The following TMEM132B variants were observed in gnomAD, a reference collection of about 807,000 sequenced individuals.
TMEM132B encodes transmembrane protein 132B.
A neutral mutation model predicts 90.8 loss-of-function variants in TMEM132B; 18 were observed. The observed-to-expected ratio is 0.20, with a 90% CI of 0.14 to 0.29. The LOEUF is 0.29. TMEM132B is among the 10% of genes least tolerant of loss of function. TMEM132B has a pLI of 1.00. For missense variants in TMEM132B, 1,096 were observed against 1,326.8 expected, an observed-to-expected ratio of 0.83 and a Z score of 2.70; for synonymous variants, 504 against 523.3, an observed-to-expected ratio of 0.96 and a Z score of 0.50.
rs1357078187 is a variant in TMEM132B, at chr12:125,277,213, G to A, written c.68-72239G>A. Among the ~76,000 whole-genome samples the A allele has an allele frequency of 6.6e-6, 1 of 152,092 alleles. No homozygotes were observed. Among genetic ancestry groups the A allele is most frequent in the Non-Finnish European group, 1.5e-5 (1 of 68,006 alleles). Reference sequence around the variant, plus strand: ...GAGGGAGAACAGGCCGGGCACGATGGCTCATGCCTGTAGTCCCAGCACTTT... The same window carrying A: ...GAGGGAGAACAGGCCGGGCACGATGACTCATGCCTGTAGTCCCAGCACTTT... On this transcript the variant is annotated intron_variant, in intron 1 of 8. Transcript: ENST00000682704. The surrounding 1 kb of genome is among the most constrained non-coding windows in gnomAD (Gnocchi z 4.3).
intron 1 of TMEM132B, among the ~76,000 whole-genome samples, chr12:125,284,410 G>A (rs1011703046): frequency 6.6e-6 from 1 of 152,282 alleles, no homozygotes; most frequent in African/African-American, 2.4e-5. Flanking sequence ...CTGTAGGCAC[G>A]GAGCTGTAGC....
chr12:125,651,276 G>A (rs192331905), intron 7 of TMEM132B, among the ~76,000 whole-genome samples: 113 of 152,272 alleles, frequency 7.4e-4, no homozygotes, highest in African/African-American at 2.6e-3. Context: ...TCCATTTTGT[G>A]TATCACCAAT....
intron 3 of TMEM132B, among the ~76,000 whole-genome samples, chr12:125,477,158 A>G (rs1881904377): frequency 6.6e-6 from 1 of 152,202 alleles, no homozygotes; most frequent in Non-Finnish European, 1.5e-5. Flanking sequence ...TTATGTCTTT[A>G]TCAACTGCGC....
chr12:125,563,528 T>A (rs139343520), intron 4 of TMEM132B, among the ~76,000 whole-genome samples: 2,465 of 151,896 alleles, frequency 0.016, 68 homozygotes, highest in African/African-American at 0.056. Flanking sequence ...ATCGCACCAC[T>A]GCACTCCAGC....
intron 5 of TMEM132B, among the ~76,000 whole-genome samples, chr12:125,602,153 A>G (rs914815478): frequency 1.3e-5 from 2 of 152,232 alleles, no homozygotes; most frequent in Admixed American, 6.5e-5. Flanking sequence ...TGGCAGAGAC[A>G]CAACAATAAA....
In TMEM132B at chr12:125,566,310, G is replaced by A. The variant is rs531433631; in HGVS notation, c.1294-17541G>A. 7.2e-5 allele frequency among the ~76,000 whole-genome samples: 11 copies of A among 152,268 alleles called. 1 individual carries two copies. In the South Asian group the frequency reaches 2.3e-3, roughly 32 times the overall value. On this transcript the variant is annotated intron_variant, in intron 4 of 8. Coordinates refer to ENST00000682704, the MANE Select transcript of TMEM132B (RefSeq NM_001366854.1). ...TAGTCCCGGACAATTGGAAAATGAGGTCTAATTTCTTATTCTGTTTCCTGT... is the reference window on the plus strand; with the variant it reads ...TAGTCCCGGACAATTGGAAAATGAGATCTAATTTCTTATTCTGTTTCCTGT...
At chr12:125,579,273 T>G (rs1440663268) in intron 4 of TMEM132B, among the ~76,000 whole-genome samples, 2 of 152,192 alleles carry the variant, frequency 1.3e-5, no homozygotes, top group Non-Finnish European at 2.9e-5. Flanking sequence ...TATTGCACTT[T>G]TCAACTTTAG....
At chr12:125,609,523 T>G (rs1419217950) in intron 5 of TMEM132B, among the ~76,000 whole-genome samples, 1 of 151,994 alleles carries the variant, frequency 6.6e-6, no homozygotes, top group East Asian at 1.9e-4. Context: ...TTAAGAATAT[T>G]GGATCTTTTG....
At chr12:125,368,845 T>G (rs1415350655) in intron 2 of TMEM132B, among the ~76,000 whole-genome samples, 1 of 152,190 alleles carries the variant, frequency 6.6e-6, no homozygotes, top group South Asian at 2.1e-4. Flanking sequence ...ATGACAGGAA[T>G]AAAACATGTG....
chr12:125,240,878 G>A (rs1005054847), intron 1 of TMEM132B, among the ~76,000 whole-genome samples: 2 of 152,202 alleles, frequency 1.3e-5, no homozygotes, highest in South Asian at 2.1e-4. Flanking sequence ...CCGGGCCCTC[G>A]TCCCATGCCT....
intron 1 of TMEM132B, among the ~76,000 whole-genome samples, chr12:125,344,323 C>T (rs951205981): frequency 1.3e-5 from 2 of 152,030 alleles, no homozygotes; most frequent in Non-Finnish European, 1.5e-5. Flanking sequence ...TCTGAGAAAC[C>T]AAATTGGGGA....
At chr12:125,528,292 T>C (rs147473756) in intron 4 of TMEM132B, among the ~76,000 whole-genome samples, 1 of 152,292 alleles carries the variant, frequency 6.6e-6, no homozygotes, top group African/African-American at 2.4e-5. Context: ...TCAACGACTG[T>C]TCTTAAAACT....
chr12:125,550,485 T>C (rs1884198993), intron 4 of TMEM132B, among the ~76,000 whole-genome samples: 1 of 152,266 alleles, frequency 6.6e-6, no homozygotes. Flanking sequence ...CTGGCTGTAC[T>C]CTGACTGATA....
intron 2 of TMEM132B, among the ~76,000 whole-genome samples, chr12:125,382,986 C>CT: frequency 6.6e-6 from 1 of 152,256 alleles, no homozygotes; most frequent in East Asian, 1.9e-4. Context: ...AGATAGAGTT[C>CT]TTTTTTAGCA....
chr12:125,218,361 C>T lies in TMEM132B; in HGVS notation c.67+31495C>T, dbSNP rs1019702978. On this transcript the variant is annotated intron_variant, in intron 1 of 8. Coordinates refer to ENST00000682704, the MANE Select transcript of TMEM132B (RefSeq NM_001366854.1). The stretch of plus-strand genomic sequence containing the variant: ...TTCCCCTTAAAATGAGAAAAAAGGG[C>T]CTATTTTAGTATTTTCCATAGATTT... Among the ~76,000 whole-genome samples, 5 of 151,948 alleles carry T rather than the reference C, an allele frequency of 3.3e-5. 1 individual carries two copies. The highest frequency in any genetic ancestry group is 2.6e-4 in the Admixed American group (4 of 15,262).
In TMEM132B at chr12:125,490,469, T is replaced by A. The variant is rs1471518022; in HGVS notation, c.1107-28970T>A. On this transcript the variant is annotated intron_variant, in intron 3 of 8. Coordinates refer to ENST00000682704, the MANE Select transcript of TMEM132B (RefSeq NM_001366854.1). This position sits in a 1 kb window ranked among gnomAD's most constrained non-coding sequence, Gnocchi z 4.2. Reference sequence around the variant, plus strand: ...ACTTAATTTATTTTATTTTATTTATTTATTTATTTTTTGAGACAGAGCCTT... The same window carrying A: ...ACTTAATTTATTTTATTTTATTTATATATTTATTTTTTGAGACAGAGCCTT... Among the ~76,000 whole-genome samples the A allele has an allele frequency of 6.6e-6, 1 of 152,088 alleles. No individual in the cohort carries two copies. Among genetic ancestry groups the A allele is most frequent in the African/African-American group, 2.4e-5 (1 of 41,402 alleles).
At chr12:125,325,873 G>T (rs1010840457) in intron 1 of TMEM132B, among the ~76,000 whole-genome samples, 2 of 152,160 alleles carry the variant, frequency 1.3e-5, no homozygotes, top group Non-Finnish European at 2.9e-5. Context: ...GTGTCTCATG[G>T]AATGAGCTGT....
intron 6 of TMEM132B, among the ~76,000 whole-genome samples, chr12:125,647,614 C>T (rs573551515): frequency 3.9e-5 from 6 of 152,092 alleles, no homozygotes; most frequent in African/African-American, 7.2e-5. Context: ...AGGAATGAAA[C>T]GAGAATAAAG....
rs192344218 is a variant in TMEM132B at position 125,529,163 on chromosome 12, C to T, written c.1293+9538C>T. On this transcript the variant is annotated intron_variant, in intron 4 of 8. Coordinates refer to ENST00000682704, the MANE Select transcript of TMEM132B (RefSeq NM_001366854.1). ...GCAGTGGCACAATCACAGCTCACTG[C>T]AGCCTCAGTCTCCCAGGCTCAAGTG... 4.0e-3 allele frequency among the ~76,000 whole-genome samples: 611 copies of T among 152,264 alleles called. 2 individuals are homozygous for T. The highest frequency in any genetic ancestry group is 6.4e-3 in the Non-Finnish European group (436 of 68,022).
Sources: allele counts gnomAD v4.1 joint callset (sites outside exome capture counted in the v4.1 genomes callset), GRCh38; gene constraint gnomAD v4.1.1; non-coding constraint Gnocchi (gnomAD v3.1); transcripts MANE v1.5; gene names NCBI Gene and HGNC (gene_info 2026-07-23, HGNC 2026-07-21).